Variants in AGAP1 observed in about 807,000 individuals in gnomAD.
The protein encoded by AGAP1 is ArfGAP with GTPase domain, ankyrin repeat and PH domain 1.
Under a neutral mutation model 105.3 loss-of-function variants are expected in AGAP1, and 29 were observed. The observed-to-expected ratio is 0.28, with a 90% CI of 0.21 to 0.38. The LOEUF (loss-of-function observed/expected upper bound fraction) is 0.38. AGAP1 is among the 10% of genes least tolerant of loss of function. The pLI is 1.00. For synonymous variants in AGAP1, 509 were observed against 485.9 expected (o/e 1.05, Z -0.63); for missense variants, 998 against 1,165.1 (o/e 0.86, Z 2.09).
intron 9 of AGAP1, among the ~76,000 whole-genome samples, chr2:235,880,696 C>T (rs1173016171): frequency 4.0e-5 from 6 of 151,206 alleles, no homozygotes; most frequent in South Asian, 4.2e-4. Flanking sequence ...GCTGAGATCG[C>T]GCCACTGCAC....
At position 235,799,961 on chromosome 2, in the gene AGAP1, T is replaced by C. The variant is rs1957415847; in HGVS notation, c.957+439T>C. Among the ~76,000 whole-genome samples the C allele has an allele frequency of 6.6e-6, 1 of 152,088 alleles. No individual in the cohort carries two copies. Among genetic ancestry groups the C allele is most frequent in the Non-Finnish European group, 1.5e-5 (1 of 68,006 alleles). On this transcript the variant is annotated intron_variant, in intron 8 of 17. Coordinates refer to ENST00000304032, the MANE Select transcript of AGAP1 (RefSeq NM_001037131.3). The surrounding 1 kb of genome is among the most constrained non-coding windows in gnomAD (Gnocchi z 5.0). ...TGCCCTCGGGGTGGAGGTGGGGGAC[T>C]GGGAGGTGCTTCCTGGAGGCTCATT...
intron 3 of AGAP1, chr2:235,718,506 T>G (rs1951229103): frequency 1.5e-6 from 1 of 686,108 alleles, no homozygotes; most frequent in Admixed American, 6.3e-5. Context: ...CATCCTGTTT[T>G]GTTTCATTTT....
chr2:235,546,304 G>T (rs376276579), intron 1 of AGAP1, among the ~76,000 whole-genome samples: 1 of 152,176 alleles, frequency 6.6e-6, no homozygotes, highest in South Asian at 2.1e-4. Flanking sequence ...GGGCCATCCT[G>T]CCTTTTCAGG....
At chr2:236,010,571 A>G (rs1456639462) in intron 13 of AGAP1, among the ~76,000 whole-genome samples, 3 of 152,320 alleles carry the variant, frequency 2.0e-5, no homozygotes, top group East Asian at 3.9e-4. Context: ...CAACCTGAAG[A>G]CGCAGAAAGT....
In AGAP1 at chr2:235,631,449, T is replaced by C. The variant is rs921662533; in HGVS notation, c.164-77730T>C. 6.6e-6 allele frequency among the ~76,000 whole-genome samples: 1 copy of C among 152,162 alleles called. No individual in the cohort carries two copies. On this transcript the variant is annotated intron_variant, in intron 1 of 17. Coordinates refer to ENST00000304032, the MANE Select transcript of AGAP1 (RefSeq NM_001037131.3). This position sits in a 1 kb window ranked among gnomAD's most constrained non-coding sequence, Gnocchi z 5.4. The stretch of plus-strand genomic sequence containing the variant: ...CCTCCGGGTGGGCCATCACTGCTGG[T>C]AGAGAGGGTTTCTGGGTCCCAGGAC...
intron 13 of AGAP1, among the ~76,000 whole-genome samples, chr2:236,028,168 G>A (rs181273565): frequency 7.2e-4 from 109 of 152,236 alleles, no homozygotes; most frequent in African/African-American, 2.5e-3. Flanking sequence ...ACCTGAAGCT[G>A]GTGCCCATCA....
At chr2:235,759,390 T>C (rs78032286) in intron 6 of AGAP1, among the ~76,000 whole-genome samples, 80,399 of 150,464 alleles carry the variant, frequency 0.53, 23,121 homozygotes, top group East Asian at 0.79. Flanking sequence ...AGGATGGTCT[T>C]GATCTCCTGA....
intron 16 of AGAP1, among the ~76,000 whole-genome samples, chr2:236,085,356 C>G (rs1358161559): frequency 6.6e-6 from 1 of 152,156 alleles, no homozygotes; most frequent in Non-Finnish European, 1.5e-5. Context: ...CAGAAGCGTC[C>G]TTTGTTGCTG....
intron 6 of AGAP1, among the ~76,000 whole-genome samples, chr2:235,780,428 C>T (rs1956189585): frequency 6.6e-6 from 1 of 152,084 alleles, no homozygotes. Flanking sequence ...GATCTTCTGT[C>T]AGTGTGATTC....
At chr2:236,026,239 T>G (rs1269951582) in intron 13 of AGAP1, among the ~76,000 whole-genome samples, 1 of 152,192 alleles carries the variant, frequency 6.6e-6, no homozygotes. Flanking sequence ...CCACCAGGAC[T>G]GATCAGAGTG....
chr2:235,774,336 G>T (rs762943889), intron 6 of AGAP1: 7 of 470,126 alleles, frequency 1.5e-5, no homozygotes, highest in Middle Eastern at 3.9e-4. Flanking sequence ...AGATAGAGGT[G>T]CTGCTGCAGA....
At chr2:235,681,738 G>T (rs1370809798) in intron 1 of AGAP1, among the ~76,000 whole-genome samples, 1 of 151,758 alleles carries the variant, frequency 6.6e-6, no homozygotes, top group East Asian at 1.9e-4. Context: ...ACTTTTTAAG[G>T]TTGATTGTTA....
At chr2:235,694,668 A>G (rs1049325376) in intron 1 of AGAP1, among the ~76,000 whole-genome samples, 4 of 151,990 alleles carry the variant, frequency 2.6e-5, no homozygotes, top group African/African-American at 9.7e-5. Flanking sequence ...AAAAAAAGAA[A>G]AAAAGGAAGC....
intron 1 of AGAP1, among the ~76,000 whole-genome samples, chr2:235,649,772 C>T (rs774874073): frequency 1.3e-5 from 2 of 152,138 alleles, no homozygotes; most frequent in Non-Finnish European, 1.5e-5. Context: ...ATCACGGTAA[C>T]GATACTGTAA....
In AGAP1 at chr2:235,864,816, C is replaced by A. The variant is rs1347801097; in HGVS notation, c.1051-18529C>A. Among the ~76,000 whole-genome samples, 2 of 151,986 alleles carry A rather than the reference C, an allele frequency of 1.3e-5. No individual in the cohort carries two copies. Among genetic ancestry groups the A allele is most frequent in the Non-Finnish European group, 2.9e-5 (2 of 68,000 alleles). Reference sequence around the variant, plus strand: ...AGGAGGTTTGGTTTGGTCTTAGTACCCCAGCATACAGTAGCTTCATTGGCT... The same window carrying A: ...AGGAGGTTTGGTTTGGTCTTAGTACACCAGCATACAGTAGCTTCATTGGCT... On this transcript the variant is annotated intron_variant, in intron 9 of 17. Coordinates refer to ENST00000304032, the MANE Select transcript of AGAP1 (RefSeq NM_001037131.3). This position sits in a 1 kb window ranked among gnomAD's most constrained non-coding sequence, Gnocchi z 5.0.
chr2:235,657,671 C>T (rs1291507684), intron 1 of AGAP1, among the ~76,000 whole-genome samples: 6 of 152,168 alleles, frequency 3.9e-5, no homozygotes, highest in African/African-American at 7.2e-5. Flanking sequence ...CGTGAGCCAC[C>T]GCGCCCAGCC....
chr2:236,034,626 G>A (rs1224356167), intron 13 of AGAP1, among the ~76,000 whole-genome samples: 1 of 152,124 alleles, frequency 6.6e-6, no homozygotes, highest in Non-Finnish European at 1.5e-5. Flanking sequence ...GGCCAGCTGA[G>A]GGCTTCCTCC....
rs1951027829 is a variant in AGAP1, at chr2:235,714,998, C to T, written c.223-2559C>T. On this transcript the variant is annotated intron_variant, in intron 2 of 17. Coordinates refer to ENST00000304032, the MANE Select transcript of AGAP1 (RefSeq NM_001037131.3). The surrounding 1 kb of genome is among the most constrained non-coding windows in gnomAD (Gnocchi z 4.1). The stretch of plus-strand genomic sequence containing the variant: ...AGTTTTAGTAGAGATGGGATTTCAC[C>T]GTGTTAGCCAGGATGGTCTCGATCT... Among the ~76,000 whole-genome samples, 1 of 152,210 alleles carries T rather than the reference C, an allele frequency of 6.6e-6. No individual in the cohort carries two copies. Among genetic ancestry groups the T allele is most frequent in the Middle Eastern group, 3.4e-3 (1 of 294 alleles).
intron 1 of AGAP1, chr2:235,524,430 A>G: frequency 4.1e-6 from 1 of 246,518 alleles, no homozygotes; most frequent in Non-Finnish European, 9.0e-6. Flanking sequence ...CAGTGGGGGC[A>G]AGTTTAGAGC....
Sources: gnomAD v4.1 joint callset for allele counts (sites outside exome capture counted in the v4.1 genomes callset) on GRCh38, gnomAD v4.1.1 for gene constraint, Gnocchi (gnomAD v3.1) non-coding constraint, MANE v1.5 for transcripts, NCBI Gene and HGNC (gene_info 2026-07-23, HGNC 2026-07-21) for gene names.